GTF2F2: variants seen among roughly 807,000 people sequenced by gnomAD.
GTF2F2 encodes the protein general transcription factor IIF subunit 2.
A neutral mutation model predicts 42.2 loss-of-function variants in GTF2F2; 23 were observed. That is an observed-to-expected ratio of 0.55 (90% CI 0.39 to 0.77). The LOEUF (loss-of-function observed/expected upper bound fraction) is 0.77. Ranked by LOEUF, GTF2F2 falls within the 30% of genes least tolerant of loss-of-function variation. The pLI is 0.00. For missense variants in GTF2F2, 261 were observed against 287.2 expected (o/e 0.91, Z 0.66); for synonymous variants, 105 against 100.8 (o/e 1.04, Z -0.25).
At chr13:45,197,860 G>A (rs1204507538) in intron 4 of GTF2F2, among the ~76,000 whole-genome samples, 1 of 152,154 alleles carries the variant, frequency 6.6e-6, no homozygotes, top group Non-Finnish European at 1.5e-5. Flanking sequence ...GATACAAACC[G>A]GAACTGCTCA....
chr13:45,231,859 T>A (rs1874702694), intron 5 of GTF2F2, among the ~76,000 whole-genome samples: 1 of 152,188 alleles, frequency 6.6e-6, no homozygotes, highest in Non-Finnish European at 1.5e-5. Flanking sequence ...TTTCATGGAG[T>A]CACTAATGAA....
intron 2 of GTF2F2, among the ~76,000 whole-genome samples, chr13:45,138,396 C>T (rs770184460): frequency 2.0e-5 from 3 of 152,204 alleles, no homozygotes; most frequent in Non-Finnish European, 4.4e-5. Context: ...CTCCACACTA[C>T]TCCCAGAATC....
At chr13:45,264,021 T>G (rs1168968187) in intron 6 of GTF2F2, 1 of 152,252 alleles carries the variant, frequency 6.6e-6, no homozygotes, top group Non-Finnish European at 1.5e-5. Context: ...GAGAAAGAGT[T>G]CGTCTTGATA....
At chr13:45,163,664 C>T (rs1425436778) in intron 4 of GTF2F2, among the ~76,000 whole-genome samples, 1 of 152,064 alleles carries the variant, frequency 6.6e-6, no homozygotes, top group African/African-American at 2.4e-5. Context: ...AACATTGCCA[C>T]TATTTTTAAA....
At chr13:45,165,806 CTTTT>C (rs5803286) in intron 4 of GTF2F2, among the ~76,000 whole-genome samples, 15,020 of 88,186 alleles carry the variant, frequency 0.17, 452 homozygotes, top group Non-Finnish European at 0.21. Flanking sequence ...TCAGTACATT[CTTTT>C]TTTTTTTTTT....
chr13:45,164,765 A>G (rs766775058), intron 4 of GTF2F2, among the ~76,000 whole-genome samples: 1 of 152,170 alleles, frequency 6.6e-6, no homozygotes, highest in Non-Finnish European at 1.5e-5. Context: ...CAGCATTACT[A>G]GTGTCACTTT....
At chr13:45,154,980 T>C (rs1319615932) in intron 4 of GTF2F2, among the ~76,000 whole-genome samples, 2 of 152,240 alleles carry the variant, frequency 1.3e-5, no homozygotes, top group Non-Finnish European at 2.9e-5. Flanking sequence ...TTGTTATTTC[T>C]AGTCATTAAA....
At chr13:45,142,189 T>C (rs947020630) in intron 2 of GTF2F2, among the ~76,000 whole-genome samples, 7 of 152,220 alleles carry the variant, frequency 4.6e-5, no homozygotes, top group Non-Finnish European at 1.0e-4. Context: ...GTTTTTGAGA[T>C]GGAGTCTGGC....
intron 6 of GTF2F2, among the ~76,000 whole-genome samples, chr13:45,263,307 A>C (rs1876422406): frequency 6.6e-6 from 1 of 151,560 alleles, no homozygotes; most frequent in Non-Finnish European, 1.5e-5. Context: ...GGCTCACTGC[A>C]AGCTCCGCCT....
chr13:45,236,290 G>A (rs1874976178), intron 5 of GTF2F2, among the ~76,000 whole-genome samples: 1 of 152,110 alleles, frequency 6.6e-6, no homozygotes, highest in African/African-American at 2.4e-5. Flanking sequence ...AGGCAGGAAT[G>A]ACTTACTTAT....
chr13:45,192,882 A>G (rs1349687181), intron 4 of GTF2F2: 1 of 152,192 alleles, frequency 6.6e-6, no homozygotes, highest in East Asian at 1.9e-4. Context: ...TATTATTCTA[A>G]TAACAGATAC....
chr13:45,232,550 G>T (rs955741885), intron 5 of GTF2F2, among the ~76,000 whole-genome samples: 1 of 152,066 alleles, frequency 6.6e-6, no homozygotes, highest in Non-Finnish European at 1.5e-5. Context: ...CAGGAGGATC[G>T]CTTGAGTCCA....
At chr13:45,280,899 A>G (rs1005728119) in intron 7 of GTF2F2, among the ~76,000 whole-genome samples, 1 of 152,204 alleles carries the variant, frequency 6.6e-6, no homozygotes, top group Non-Finnish European at 1.5e-5. Context: ...CCACAATTGT[A>G]TGGTTGTTTG....
At chr13:45,173,791 G>T (rs1196222534) in intron 4 of GTF2F2, among the ~76,000 whole-genome samples, 1 of 151,442 alleles carries the variant, frequency 6.6e-6, no homozygotes, top group Non-Finnish European at 1.5e-5. Flanking sequence ...CTAATTTTTT[G>T]TATTTTTAGT....
At chr13:45,138,030 T>G (rs1202503614) in intron 2 of GTF2F2, among the ~76,000 whole-genome samples, 1 of 152,182 alleles carries the variant, frequency 6.6e-6, no homozygotes. Flanking sequence ...GCAGCTCTCT[T>G]ACTTGAACTT....
At chr13:45,281,606 C>CACTTGT (rs1428767112) in intron 7 of GTF2F2, among the ~76,000 whole-genome samples, 4 of 152,206 alleles carry the variant, frequency 2.6e-5, no homozygotes, top group African/African-American at 9.6e-5. Context: ...ATTCCTGGGC[C>CACTTGT]TAGCCCAAGA....
At chr13:45,207,391 T>G (rs1479473093) in intron 4 of GTF2F2, 33 bp from the exon 5 acceptor site, 1 of 1,279,856 alleles carries the variant, frequency 7.8e-7, no homozygotes, top group East Asian at 2.3e-5. Context: ...ATGATAAGTA[T>G]TATCTCTGAA....
chr13:45,196,069 ACTT>A (rs1335924825), intron 4 of GTF2F2, among the ~76,000 whole-genome samples: 1 of 152,226 alleles, frequency 6.6e-6, no homozygotes, highest in East Asian at 1.9e-4. Flanking sequence ...TAAAATGCAT[ACTT>A]CTTATTTTCT....
intron 4 of GTF2F2, among the ~76,000 whole-genome samples, chr13:45,203,337 G>A (rs1873287563): frequency 6.6e-6 from 1 of 151,304 alleles, no homozygotes; most frequent in Admixed American, 6.6e-5. Context: ...TGCCCTCCTC[G>A]GCTTCCCAAA....
Sources: gnomAD v4.1 joint callset for allele counts (sites outside exome capture counted in the v4.1 genomes callset) on GRCh38, gnomAD v4.1.1 for gene constraint, MANE v1.5 for transcripts, NCBI Gene and HGNC (gene_info 2026-07-23, HGNC 2026-07-21) for gene names.